The following PRRC2B variants were observed in gnomAD, a reference collection of about 807,000 sequenced individuals.
The protein encoded by PRRC2B is proline rich coiled-coil 2B.
PRRC2B carries 68 observed loss-of-function variants against 242.3 expected under a neutral mutation model. The ratio of observed to expected loss-of-function variants is 0.28; its 90% CI spans 0.23 to 0.34. The LOEUF is 0.34. PRRC2B is among the 10% of genes least tolerant of loss of function. PRRC2B has a pLI of 1.00. For missense variants in PRRC2B, 2,835 were observed against 2,954.8 expected (o/e 0.96, Z 0.94); for synonymous variants, 1,228 against 1,173.6 (o/e 1.05, Z -0.95).
At chr9:131,481,004 T>C (rs1242048233) in intron 19 of PRRC2B, among the ~76,000 whole-genome samples, 1 of 151,024 alleles carries the variant, frequency 6.6e-6, no homozygotes, top group Non-Finnish European at 1.5e-5. Flanking sequence ...GTCTCTATTG[T>C]TTAAAAAAAA....
intron 19 of PRRC2B, among the ~76,000 whole-genome samples, chr9:131,481,236 G>A (rs1422325354): frequency 6.7e-6 from 1 of 148,396 alleles, no homozygotes; most frequent in African/African-American, 2.5e-5. Flanking sequence ...CGTGAACCCG[G>A]GAGGCAGAGC....
At chr9:131,423,629 G>A (rs1264866411) in intron 1 of PRRC2B, among the ~76,000 whole-genome samples, 1 of 152,240 alleles carries the variant, frequency 6.6e-6, no homozygotes, top group Non-Finnish European at 1.5e-5. Context: ...TAAAGCAGGT[G>A]TGTATACACA....
intron 26 of PRRC2B, chr9:131,486,661 T>G (rs1257969665): frequency 8.5e-6 from 4 of 472,314 alleles, no homozygotes; most frequent in Non-Finnish European, 1.1e-5. Flanking sequence ...TTTGGGATGG[T>G]CTAGCCGCCC....
rs1448886563 is a variant in PRRC2B, at chr9:131,444,256, C to A, written c.541C>A (p.Gln181Lys). The A allele has an allele frequency of 6.2e-7, 1 of 1,613,966 alleles. No individual in the cohort carries two copies. Among genetic ancestry groups the A allele is most frequent in the Non-Finnish European group, 8.5e-7 (1 of 1,179,864 alleles). The stretch of plus-strand genomic sequence containing the variant: ...TCCGACGCTGAAAGCAGCTGGAGGG[C>A]AGGACAAGGCTGGCAAAGAAAAGGG... ...EFPTLKAAGG[Q>K]DKAGKEKGVL... Residue 181 changes from glutamine to lysine, a missense_variant, in exon 6 of 32, where the codon CAG becomes AAG. Gln to Lys is a moderately conservative substitution (Grantham distance 53). Around this residue, in one of 7 missense-constraint regions of PRRC2B, gnomAD observed 626 missense variants for 685.5 expected, o/e 0.91. Transcript: ENST00000683519.
intron 1 of PRRC2B, among the ~76,000 whole-genome samples, chr9:131,411,315 T>G (rs193300748): frequency 2.0e-5 from 3 of 148,816 alleles, no homozygotes; most frequent in African/African-American, 4.9e-5. Context: ...ATTTTCTTTT[T>G]TTTGTTTGTT....
At chr9:131,443,380 C>T (rs1232017381) in intron 5 of PRRC2B, among the ~76,000 whole-genome samples, 2 of 151,946 alleles carry the variant, frequency 1.3e-5, no homozygotes, top group African/African-American at 4.8e-5. Flanking sequence ...TCATGATCCG[C>T]CCGCGTCGGC....
intron 24 of PRRC2B, 44 bp from the exon 25 acceptor site, chr9:131,484,904 C>G (rs1458099034): frequency 6.3e-7 from 1 of 1,585,922 alleles, no homozygotes; most frequent in African/African-American, 1.3e-5. Flanking sequence ...CCACTGCCAG[C>G]GTGATAGTAA....
rs1564298230 is a variant in PRRC2B, at chr9:131,478,607, G to A, written c.4746G>A (p.Glu1582=). ...RLLEEERRKK[E]QAVQVPVKGR... is the part of the protein sequence containing the mutation. ...TGGAGGAAGAGAGAAGAAAGAAGGAGCAGGCCGTGCAGGTGAGGGGCGGAG... is the reference window on the plus strand; with the variant it reads ...TGGAGGAAGAGAGAAGAAAGAAGGAACAGGCCGTGCAGGTGAGGGGCGGAG... Residue 1582 remains glutamate (E), a synonymous_variant, in exon 18 of 32, where the codon GAG becomes GAA. Transcript: ENST00000683519. 1.9e-6 allele frequency: 2 copies of A among 1,057,410 alleles called. No individual in the cohort carries two copies. Among genetic ancestry groups the A allele is most frequent in the East Asian group, 9.8e-5 (2 of 20,446 alleles). 65.5% of individuals were successfully genotyped at this position (1,057,410 alleles called of 1,614,324 possible). A position where few individuals can be genotyped will look rare whatever the true frequency, so the allele number is the denominator to read the frequency against.
Position 131,446,755 on chromosome 9 carries a change from C to T in PRRC2B, c.855+113C>T, listed in dbSNP as rs559497095. 16 of 1,208,984 alleles carry T rather than the reference C, an allele frequency of 1.3e-5. No homozygotes were observed. In the African/African-American group the frequency reaches 2.3e-4, roughly 17 times the overall value. 74.9% of individuals were successfully genotyped at this position (1,208,984 alleles called of 1,614,324 possible). A position where few individuals can be genotyped will look rare whatever the true frequency, so the allele number is the denominator to read the frequency against. On this transcript the variant is annotated intron_variant, in intron 7 of 31. Transcript: ENST00000683519. This position sits in a 1 kb window ranked among gnomAD's most constrained non-coding sequence, Gnocchi z 4.1. ...GTCTCCTCTTGGCCCTGTTACCCTA[C>T]TTCTGAGGCTTCCACTCGTTTTGCA...
intron 1 of PRRC2B, among the ~76,000 whole-genome samples, chr9:131,383,845 T>C (rs1009224939): frequency 1.3e-5 from 2 of 151,836 alleles, no homozygotes; most frequent in African/African-American, 4.8e-5. Flanking sequence ...ATGGTCTGGA[T>C]CTCTTGACCT....
At position 131,456,637 on chromosome 9, in the gene PRRC2B, C is replaced by CA. The variant is rs879880633; in HGVS notation, c.1211+1483dup. 7.5e-3 allele frequency among the ~76,000 whole-genome samples: 1,060 copies of CA among 140,754 alleles called. 4 individuals are homozygous for CA. The highest frequency in any genetic ancestry group is 8.8e-3 in the Non-Finnish European group (565 of 64,284). The allele number at this position is 140,754 out of a possible 152,430, so 92.3% of individuals were successfully genotyped here. A position where few individuals can be genotyped will look rare whatever the true frequency, so the allele number is the denominator to read the frequency against. ...CGGGCAACAGAGCGAGACTCCACCT[C>CA]AAAAAAAAAAAATACCCCACAATTA... On this transcript the variant is annotated intron_variant, in intron 10 of 31. Transcript: ENST00000683519.
chr9:131,475,372 T>G lies in PRRC2B; in HGVS notation c.3243T>G (p.Ala1081=), dbSNP rs764657255. Residue 1081 remains alanine (A), a synonymous_variant, in exon 16 of 32, where the codon GCT becomes GCG. Transcript: ENST00000683519. The stretch of plus-strand genomic sequence containing the variant: ...AGTTCACTTTTCGTGGTCGGCCTGC[T>G]GGCGGAAATGGGAGCGGCCTCTGTG... ...FREFTFRGRP[A]GGNGSGLCGG... 1.3e-6 allele frequency: 2 copies of G among 1,586,388 alleles called. No homozygotes were observed. The highest frequency in any genetic ancestry group is 2.7e-5 in the African/African-American group (2 of 73,912).
At chr9:131,443,788 T>C (rs577119650) in intron 5 of PRRC2B, among the ~76,000 whole-genome samples, 1 of 152,314 alleles carries the variant, frequency 6.6e-6, no homozygotes, top group South Asian at 2.1e-4. Flanking sequence ...GCACACTCTG[T>C]AGGTGTTGCC....
At chr9:131,447,298 C>G in intron 8 of PRRC2B, 92 bp downstream of exon 8, 1 of 1,489,420 alleles carries the variant, frequency 6.7e-7, no homozygotes, top group South Asian at 1.2e-5. Flanking sequence ...AGTGCTGTGT[C>G]TCCTGGAGAC....
At chr9:131,418,247 G>A (rs764586339) in intron 1 of PRRC2B, among the ~76,000 whole-genome samples, 2 of 152,240 alleles carry the variant, frequency 1.3e-5, no homozygotes, top group Non-Finnish European at 2.9e-5. Flanking sequence ...TGAGAAAACA[G>A]TAAGTGCAGG....
At chr9:131,406,246 CACCTT>C (rs1837358034) in intron 1 of PRRC2B, among the ~76,000 whole-genome samples, 1 of 152,194 alleles carries the variant, frequency 6.6e-6, no homozygotes. Flanking sequence ...GGAGCTCAGT[CACCTT>C]AACTAGCAAG....
chr9:131,466,101 A>G (rs1943388640), intron 12 of PRRC2B, among the ~76,000 whole-genome samples: 2 of 152,242 alleles, frequency 1.3e-5, no homozygotes, highest in Admixed American at 6.5e-5. Flanking sequence ...TGAAGAATAT[A>G]ATCAGCTGTT....
At chr9:131,391,902 G>A (rs1045057324), upstream of PRRC2B, among the ~76,000 whole-genome samples, 7 of 151,788 alleles carry the variant, frequency 4.6e-5, no homozygotes, top group East Asian at 3.9e-4. Flanking sequence ...CACCATGCCC[G>A]GCTAATTTTT....
chr9:131,440,823 G>A (rs1354043901), intron 5 of PRRC2B, among the ~76,000 whole-genome samples: 1 of 152,212 alleles, frequency 6.6e-6, no homozygotes, highest in Non-Finnish European at 1.5e-5. Context: ...TAAAAAATGG[G>A]GGTGAGGGCT....
Sources: allele counts gnomAD v4.1 joint callset (sites outside exome capture counted in the v4.1 genomes callset), GRCh38; gene constraint gnomAD v4.1.1; regional missense constraint gnomAD v4.1.1; non-coding constraint Gnocchi (gnomAD v3.1); transcripts MANE v1.5; gene names NCBI Gene and HGNC (gene_info 2026-07-23, HGNC 2026-07-21).